EPM2A: variants seen among roughly 807,000 people sequenced by gnomAD.
EPM2A encodes the protein laforin.
A neutral mutation model predicts 26.5 loss-of-function variants in EPM2A; 21 were observed. The ratio of observed to expected loss-of-function variants is 0.79; its 90% CI spans 0.56 to 1.14. The LOEUF (loss-of-function observed/expected upper bound fraction) is 1.14. EPM2A is among the 50% of genes most tolerant of loss of function. EPM2A has a pLI of 0.00. For missense variants in EPM2A, 458 were observed against 440.8 expected (o/e 1.04, Z -0.35); for synonymous variants, 217 against 177.6 (o/e 1.22, Z -1.76).
At chr6:145,646,219 C>T (rs530568833) in intron 2 of EPM2A, among the ~76,000 whole-genome samples, 2 of 151,996 alleles carry the variant, frequency 1.3e-5, no homozygotes, top group South Asian at 2.1e-4. Flanking sequence ...TGCAGTGGCG[C>T]GATCTTGGCT....
intron 2 of EPM2A, among the ~76,000 whole-genome samples, chr6:145,644,433 A>G (rs1777309388): frequency 6.6e-6 from 1 of 152,132 alleles, no homozygotes; most frequent in South Asian, 2.1e-4. Flanking sequence ...ATTGTGCTAT[A>G]TTTTGAAAAG....
intron 4 of EPM2A, among the ~76,000 whole-genome samples, chr6:145,483,526 T>G (rs1779635318): frequency 6.6e-6 from 1 of 152,152 alleles, no homozygotes; most frequent in South Asian, 2.1e-4. Context: ...TGATATTATT[T>G]CATTTATTCT....
At chr6:145,442,105 C>T (rs1426404333) in intron 4 of EPM2A, among the ~76,000 whole-genome samples, 3 of 152,124 alleles carry the variant, frequency 2.0e-5, no homozygotes, top group Non-Finnish European at 4.4e-5. Flanking sequence ...TCTGAGACCA[C>T]CTCAGCCTGG....
At chr6:145,509,227 G>A (rs544204762) in intron 2 of EPM2A, among the ~76,000 whole-genome samples, 42 of 152,186 alleles carry the variant, frequency 2.8e-4, no homozygotes, top group Non-Finnish European at 5.0e-4. Flanking sequence ...GCAGATACAA[G>A]AAATCCAGAG....
intron 2 of EPM2A, among the ~76,000 whole-genome samples, chr6:145,595,858 C>G (rs1375074794): frequency 6.6e-6 from 1 of 151,866 alleles, no homozygotes; most frequent in Non-Finnish European, 1.5e-5. Context: ...CTAGCATTTT[C>G]AGAACAATGT....
intron 2 of EPM2A, among the ~76,000 whole-genome samples, chr6:145,525,182 C>G (rs1368855772): frequency 6.6e-6 from 1 of 151,796 alleles, no homozygotes; most frequent in African/African-American, 2.4e-5. Flanking sequence ...CCTTACAGTA[C>G]AGTTTGAAGC....
At chr6:145,470,478 A>T (rs1337509959) in intron 4 of EPM2A, among the ~76,000 whole-genome samples, 1 of 152,158 alleles carries the variant, frequency 6.6e-6, no homozygotes, top group African/African-American at 2.4e-5. Context: ...ATTTATATGC[A>T]CTGCTTTTTA....
intron 4 of EPM2A, among the ~76,000 whole-genome samples, chr6:145,452,191 G>A (rs1238667397): frequency 6.6e-6 from 1 of 152,068 alleles, no homozygotes; most frequent in Non-Finnish European, 1.5e-5. Flanking sequence ...CTATATTCCT[G>A]CAATTGTGGG....
chr6:145,437,415 T>A (rs1330643924), intron 4 of EPM2A, among the ~76,000 whole-genome samples: 3 of 152,134 alleles, frequency 2.0e-5, no homozygotes, highest in Non-Finnish European at 4.4e-5. Flanking sequence ...GTAAGAACAG[T>A]CGAATACAGC....
chr6:145,571,238 T>G (rs1255459835), intron 2 of EPM2A, among the ~76,000 whole-genome samples: 2 of 152,194 alleles, frequency 1.3e-5, no homozygotes, highest in African/African-American at 4.8e-5. Context: ...CCTGGAGAAC[T>G]TAGCCCCAGT....
Position 145,730,809 on chromosome 6 carries a change from CA to C in EPM2A, c.301+4388del, listed in dbSNP as rs774654596. Among the ~76,000 whole-genome samples, 4 of 152,252 alleles carry C rather than the reference CA, an allele frequency of 2.6e-5. 1 individual carries two copies. In the South Asian group the frequency reaches 8.3e-4, roughly 32 times the overall value. On this transcript the variant is annotated intron_variant, in intron 1 of 3. Transcript: ENST00000367519. ...AGGAACAGATGTTACGAGAAAGAAT[CA>C]GTAGGTAGTTAGGGAGGTCTTCTAG... is the stretch of plus-strand genomic sequence containing the variant.
At chr6:145,502,887 A>C (rs1247608180) in intron 2 of EPM2A, among the ~76,000 whole-genome samples, 2 of 152,216 alleles carry the variant, frequency 1.3e-5, no homozygotes, top group Non-Finnish European at 2.9e-5. Flanking sequence ...CAATGATTTT[A>C]ATGCAGATTC....
downstream of EPM2A, among the ~76,000 whole-genome samples, chr6:145,500,188 T>A (rs557291119): frequency 3.2e-4 from 48 of 152,374 alleles, no homozygotes; most frequent in Non-Finnish European, 6.0e-4. Context: ...ATCATTTATA[T>A]GGATGTTCCA....
At chr6:145,725,696 T>C (rs898941359) in intron 1 of EPM2A, among the ~76,000 whole-genome samples, 13 of 152,054 alleles carry the variant, frequency 8.5e-5, no homozygotes, top group African/African-American at 2.7e-4. Flanking sequence ...TTCTAATTAT[T>C]TGACATTGTG....
At chr6:145,714,160 T>A (rs1417793820) in intron 1 of EPM2A, among the ~76,000 whole-genome samples, 1 of 152,232 alleles carries the variant, frequency 6.6e-6, no homozygotes, top group African/African-American at 2.4e-5. Context: ...GATAGTTACA[T>A]AACATTTTGT....
At chr6:145,642,391 A>G (rs778795341) in intron 2 of EPM2A, among the ~76,000 whole-genome samples, 4 of 152,200 alleles carry the variant, frequency 2.6e-5, no homozygotes, top group Non-Finnish European at 4.4e-5. Context: ...TAAATACGTG[A>G]CTTTTCTTGT....
At chr6:145,451,365 T>G (rs1188938761) in intron 4 of EPM2A, among the ~76,000 whole-genome samples, 3 of 152,190 alleles carry the variant, frequency 2.0e-5, no homozygotes, top group African/African-American at 7.2e-5. Flanking sequence ...AAAAATCCAT[T>G]GTAGGTACAA....
intron 2 of EPM2A, among the ~76,000 whole-genome samples, chr6:145,508,006 T>C (rs1180237526): frequency 3.9e-5 from 6 of 152,088 alleles, no homozygotes; most frequent in Admixed American, 3.9e-4. Flanking sequence ...TAACCCCCAG[T>C]ACTAAGTGGC....
At chr6:145,515,433 C>G (rs1029325827) in intron 2 of EPM2A, among the ~76,000 whole-genome samples, 2 of 152,112 alleles carry the variant, frequency 1.3e-5, no homozygotes, top group African/African-American at 4.8e-5. Flanking sequence ...GGCTTATAAA[C>G]AACAGAAATT....
Sources: allele counts gnomAD v4.1 joint callset (sites outside exome capture counted in the v4.1 genomes callset), GRCh38; gene constraint gnomAD v4.1.1; transcripts MANE v1.5; gene names NCBI Gene and HGNC (gene_info 2026-07-23, HGNC 2026-07-21).